TTC3: variants seen among roughly 807,000 people sequenced by gnomAD.
TTC3 encodes tetratricopeptide repeat domain 3.
A neutral mutation model predicts 249.6 loss-of-function variants in TTC3; 180 were observed. That is an observed-to-expected ratio of 0.72 (90% CI 0.64 to 0.82). The LOEUF (loss-of-function observed/expected upper bound fraction) is 0.82. TTC3 is among the 40% of genes least tolerant of loss of function. TTC3 has a pLI of 0.00. For synonymous variants in TTC3, 717 were observed against 805.0 expected (o/e 0.89, Z 1.85); for missense variants, 2,061 against 2,398.4 (o/e 0.86, Z 2.94).
At chr21:37,155,705 T>C (rs929562202) in intron 27 of TTC3, among the ~76,000 whole-genome samples, 2 of 152,204 alleles carry the variant, frequency 1.3e-5, no homozygotes, top group Admixed American at 1.3e-4. Flanking sequence ...TGGCTGTTCA[T>C]CAGGAGTGGG....
intron 20 of TTC3, among the ~76,000 whole-genome samples, chr21:37,141,037 A>T (rs2078397881): frequency 1.3e-5 from 2 of 152,224 alleles, no homozygotes; most frequent in Admixed American, 6.5e-5. Flanking sequence ...AAAAATCTGT[A>T]TGAAGATGGT....
rs143828047 is a variant in TTC3 at position 37,164,030 on chromosome 21, T to C, written c.3171-21T>C. 5 of 1,590,458 alleles carry C rather than the reference T, an allele frequency of 3.1e-6. No homozygotes were observed. The African/African-American group carries it at 6.8e-5, about 22-fold the overall frequency. On this transcript the variant is annotated intron_variant, in intron 31 of 45. Transcript: ENST00000355666. ...GGTCTATCATCCACAAAATTGGGTG[T>C]TTTTTGTTGTTATTTACCAGCAATC...
chr21:37,174,006 C>G (rs1228402466), intron 35 of TTC3, among the ~76,000 whole-genome samples: 1 of 152,126 alleles, frequency 6.6e-6, no homozygotes, highest in Non-Finnish European at 1.5e-5. Flanking sequence ...TGTGGGAATT[C>G]CTGTAGCTGC....
At chr21:37,124,193 G>C (rs937776098) in intron 13 of TTC3, among the ~76,000 whole-genome samples, 6 of 126,510 alleles carry the variant, frequency 4.7e-5, no homozygotes, top group African/African-American at 1.8e-4. Flanking sequence ...TTGGGTCACT[G>C]AAACCTCCGC....
At chr21:37,176,203 T>A (rs1020882058) in intron 35 of TTC3, among the ~76,000 whole-genome samples, 1 of 152,258 alleles carries the variant, frequency 6.6e-6, no homozygotes, top group African/African-American at 2.4e-5. Flanking sequence ...CATTTTTGTT[T>A]GAGAATAAAA....
rs148452406 is a variant in TTC3 at position 37,081,424 on chromosome 21, C to T, written c.-11-5823C>T. The stretch of plus-strand genomic sequence containing the variant: ...AGCCACTGCACCCAGCCTATTTATG[C>T]GTTTTTTGAAGAAAATATCATTTTT... On this transcript the variant is annotated intron_variant, in intron 1 of 45. Coordinates refer to ENST00000355666, the Ensembl canonical transcript of TTC3. Among the ~76,000 whole-genome samples the T allele has an allele frequency of 5.5e-4, 84 of 152,044 alleles. No homozygotes were observed. The East Asian group carries it at 0.015, about 27-fold the overall frequency.
At chr21:37,084,990 CTCAA>C (rs1373481592) in intron 1 of TTC3, among the ~76,000 whole-genome samples, 2 of 107,226 alleles carry the variant, frequency 1.9e-5, no homozygotes, top group Non-Finnish European at 4.5e-5. Context: ...GAGACTGTGT[CTCAA>C]ACAAACAAAC....
intron 20 of TTC3, among the ~76,000 whole-genome samples, chr21:37,140,878 A>T (rs958053110): frequency 2.0e-5 from 3 of 152,206 alleles, no homozygotes; most frequent in Non-Finnish European, 4.4e-5. Context: ...GTACTTCCTG[A>T]TTTTAAATCT....
At chr21:37,087,095 G>A (rs914942807) in intron 1 of TTC3, 152 bp from the exon 2 acceptor site, 13 of 777,332 alleles carry the variant, frequency 1.7e-5, no homozygotes, top group South Asian at 5.7e-5. Flanking sequence ...GAATGGGGAC[G>A]AGAATCTTTC....
At chr21:37,073,310 G>C in exon 1 of TTC3, 1 of 473,666 alleles carries the variant, frequency 2.1e-6, no homozygotes, top group Non-Finnish European at 2.7e-6. Context: ...GGCGGCGGCG[G>C]CGGCGGCTGC....
chr21:37,166,614 A>G, exon 33 of TTC3: 2 of 1,601,656 alleles, frequency 1.2e-6, no homozygotes, highest in Non-Finnish European at 1.7e-6. Context: ...GTTGCCATAC[A>G]GGTAAGAGTT....
intron 16 of TTC3, among the ~76,000 whole-genome samples, chr21:37,131,407 G>A (rs1364095342): frequency 2.6e-5 from 4 of 152,200 alleles, no homozygotes; most frequent in African/African-American, 9.6e-5. Context: ...GGCATGGGGA[G>A]CTTCTGGGCT....
chr21:37,073,384 G>A, intron 1 of TTC3: 1 of 984,184 alleles, frequency 1.0e-6, no homozygotes, highest in Non-Finnish European at 1.2e-6. Context: ...CACCCGGCGC[G>A]CTGCCGGGCT....
rs1376639975 is a variant in TTC3, at chr21:37,091,369, C to T, written c.557C>T (p.Ser186Leu). ...GTAACAATTCTAACTAAATTAGGAT[C>T]AATTGACAATTGTTGGCCTATGTTA... Residue 186 changes from serine to leucine, a missense_variant, in exon 7 of 46, where the codon TCA becomes TTA. Physicochemically the swap from Ser to Leu is moderately radical, Grantham distance 145. Around this residue, in one of 3 missense-constraint regions of TTC3, gnomAD observed 989 missense variants for 1,145.1 expected, o/e 0.86. Coordinates refer to ENST00000355666, the Ensembl canonical transcript of TTC3. 2 of 1,610,242 alleles carry T rather than the reference C, an allele frequency of 1.2e-6. No individual in the cohort carries two copies. The highest frequency in any genetic ancestry group is 1.7e-6 in the Non-Finnish European group (2 of 1,177,410).
At chr21:37,096,638 G>A in exon 10 of TTC3, 8 of 1,608,186 alleles carry the variant, frequency 5.0e-6, no homozygotes, top group Non-Finnish European at 6.8e-6. Context: ...GTACTGGACA[G>A]TTTAGGTAAG....
chr21:37,177,579 A>G (rs1406673321), intron 35 of TTC3, among the ~76,000 whole-genome samples: 3 of 152,136 alleles, frequency 2.0e-5, no homozygotes, highest in Non-Finnish European at 2.9e-5. Context: ...TCTCTAATTT[A>G]ATGGATAATG....
chr21:37,142,410 A>C (rs62223639), intron 20 of TTC3, among the ~76,000 whole-genome samples: 1 of 152,234 alleles, frequency 6.6e-6, no homozygotes, highest in African/African-American at 2.4e-5. Context: ...AAGTCCCAGG[A>C]TACAAAATCA....
rs149017370 is a variant in TTC3, at chr21:37,120,205, G to A, written c.901-1612G>A. On this transcript the variant is annotated intron_variant, in intron 11 of 45. Transcript: ENST00000355666. The stretch of plus-strand genomic sequence containing the variant: ...GATGAGCAAGAGGGAATTTCCACAT[G>A]TGTGATAGAGAATGAGATAGTGAAA... Among the ~76,000 whole-genome samples the A allele has an allele frequency of 1.5e-3, 224 of 152,294 alleles. 2 individuals are homozygous for A. The highest frequency in any genetic ancestry group is 4.9e-3 in the African/African-American group (205 of 41,566).
intron 35 of TTC3, among the ~76,000 whole-genome samples, chr21:37,180,636 G>A (rs60354452): frequency 0.024 from 3,390 of 144,114 alleles, 164 homozygotes; most frequent in African/African-American, 0.083. Context: ...GGGAGGGATA[G>A]CATTGGGAGA....
Sources: gnomAD v4.1 joint callset for allele counts (sites outside exome capture counted in the v4.1 genomes callset) on GRCh38, gnomAD v4.1.1 for gene constraint, gnomAD v4.1.1 regional missense constraint, MANE v1.5 for transcripts, NCBI Gene and HGNC (gene_info 2026-07-23, HGNC 2026-07-21) for gene names.